The following SIK3 variants were observed in gnomAD, a reference collection of about 807,000 sequenced individuals.
The protein encoded by SIK3 is SIK family kinase 3.
A neutral mutation model predicts 144.2 loss-of-function variants in SIK3; 28 were observed. That is an observed-to-expected ratio of 0.19 (90% CI 0.14 to 0.27). SIK3 has a LOEUF of 0.27. SIK3 is among the 10% of genes least tolerant of loss of function. The pLI is 1.00. For missense variants in SIK3, 1,319 were observed against 1,776.0 expected, an observed-to-expected ratio of 0.74 and a Z score of 4.62; for synonymous variants, 686 against 676.3, an observed-to-expected ratio of 1.01 and a Z score of -0.22.
chr11:117,039,530 T>A (rs1232207917), intron 1 of SIK3, among the ~76,000 whole-genome samples: 1 of 152,242 alleles, frequency 6.6e-6, no homozygotes, highest in African/African-American at 2.4e-5. Context: ...TCACTGCATA[T>A]TATAAACAGA....
Position 116,857,997 on chromosome 11 carries a change from G to A in SIK3, c.3468C>T (p.Phe1156=). Reference sequence around the variant, plus strand: ...ATGTACTTGAACTCTTACTGTCTTGGAAGCCATCCTTGGCCCCCTCACACG... The same window carrying A: ...ATGTACTTGAACTCTTACTGTCTTGAAAGCCATCCTTGGCCCCCTCACACG... ...DCSCEGAKDG[F]QDSKSSSTLT... The change falls in exon 21 of 25, where the codon TTC becomes TTT. Residue 1156 remains phenylalanine, a synonymous_variant. Coordinates refer to ENST00000445177, the MANE Select transcript of SIK3 (RefSeq NM_001366686.3). 3.7e-6 allele frequency: 6 copies of A among 1,614,150 alleles called. 1 individual carries two copies. In the East Asian group the frequency reaches 1.3e-4, roughly 36 times the overall value.
At chr11:117,096,399 G>T (rs1402664927) in intron 1 of SIK3, among the ~76,000 whole-genome samples, 1 of 152,158 alleles carries the variant, frequency 6.6e-6, no homozygotes, top group Admixed American at 6.6e-5. Context: ...CAGAAAAAAA[G>T]GAAAGAAATA....
chr11:116,860,193 G>A (rs1248359865), intron 19 of SIK3, among the ~76,000 whole-genome samples: 2 of 151,136 alleles, frequency 1.3e-5, no homozygotes, highest in South Asian at 2.1e-4. Flanking sequence ...GCAGTGAGCC[G>A]AGATCATACC....
intron 1 of SIK3, among the ~76,000 whole-genome samples, chr11:116,983,109 C>T (rs990134890): frequency 1.3e-5 from 2 of 151,914 alleles, no homozygotes; most frequent in African/African-American, 2.4e-5. Context: ...CACCTGTAGT[C>T]CCAGCTACTC....
At chr11:117,044,018 G>A (rs190821199) in intron 1 of SIK3, among the ~76,000 whole-genome samples, 4 of 151,762 alleles carry the variant, frequency 2.6e-5, no homozygotes, top group Non-Finnish European at 4.4e-5. Context: ...AGATGGATCA[G>A]AAGCCTCATT....
chr11:116,936,973 A>T (rs1947953093), intron 3 of SIK3, among the ~76,000 whole-genome samples: 1 of 152,212 alleles, frequency 6.6e-6, no homozygotes, highest in Non-Finnish European at 1.5e-5. Flanking sequence ...CTTAAAGGTC[A>T]TTTCTCTGAA....
chr11:116,911,851 T>C (rs1946364329), intron 4 of SIK3, among the ~76,000 whole-genome samples: 1 of 152,204 alleles, frequency 6.6e-6, no homozygotes. Flanking sequence ...TATCCCTTAC[T>C]GCTTATTTAC....
At chr11:116,978,384 C>A (rs1565520472) in intron 1 of SIK3, among the ~76,000 whole-genome samples, 1 of 152,164 alleles carries the variant, frequency 6.6e-6, no homozygotes, top group Admixed American at 6.5e-5. Context: ...CATCCCACTC[C>A]AAGAAAACCA....
intron 4 of SIK3, among the ~76,000 whole-genome samples, chr11:116,915,141 T>C (rs1466877619): frequency 6.8e-6 from 1 of 146,942 alleles, no homozygotes; most frequent in East Asian, 2.3e-4. Context: ...TGTGTGTGTG[T>C]GTGTGTGTGT....
intron 3 of SIK3, among the ~76,000 whole-genome samples, chr11:116,929,318 G>A (rs1045596035): frequency 6.6e-6 from 1 of 152,082 alleles, no homozygotes; most frequent in Non-Finnish European, 1.5e-5. Context: ...CCCTTATGAA[G>A]GTTTACCATC....
At chr11:116,968,378 G>A (rs117791268) in intron 1 of SIK3, among the ~76,000 whole-genome samples, 11,156 of 152,198 alleles carry the variant, frequency 0.073, 737 homozygotes, top group African/African-American at 0.18. Context: ...TCCTAACCTT[G>A]TGATCCACAC....
chr11:117,006,199 A>G (rs1951040093), intron 1 of SIK3, among the ~76,000 whole-genome samples: 1 of 152,188 alleles, frequency 6.6e-6, no homozygotes, highest in South Asian at 2.1e-4. Flanking sequence ...ATAGTCTAAA[A>G]TGGAATATCA....
intron 1 of SIK3, among the ~76,000 whole-genome samples, chr11:117,042,588 G>A (rs926833202): frequency 4.6e-5 from 7 of 152,144 alleles, no homozygotes; most frequent in African/African-American, 1.7e-4. Context: ...TTTTCCAGGA[G>A]TCTTTCCTCC....
chr11:116,844,615 TATAA>T lies in SIK3; in HGVS notation c.*1024_*1027del, dbSNP rs1346724186. ...ATATATTTTATATATATATTATATA[TATAA>T]TATATATATAATATATTATATTATA... is the stretch of plus-strand genomic sequence containing the variant. On this transcript the variant is annotated 3_prime_UTR_variant, in exon 25 of 25. Transcript: ENST00000445177. 1 of 58,630 alleles carries T rather than the reference TATAA, an allele frequency of 1.7e-5. No individual in the cohort carries two copies. The highest frequency in any genetic ancestry group is 4.6e-5 in the African/African-American group (1 of 21,820). The allele number at this position is 58,630 out of a possible 1,614,324, so 3.6% of individuals were successfully genotyped here.
chr11:117,048,850 C>T (rs1953089494), intron 1 of SIK3, among the ~76,000 whole-genome samples: 1 of 152,132 alleles, frequency 6.6e-6, no homozygotes, highest in South Asian at 2.1e-4. Flanking sequence ...CACCTGTAAT[C>T]CCAGCACTTA....
At position 117,029,186 on chromosome 11, in the gene SIK3, G is replaced by T. The variant is rs148004834; in HGVS notation, c.273+68957C>A. On this transcript the variant is annotated intron_variant, in intron 1 of 24. Transcript: ENST00000445177. Reference sequence around the variant, plus strand: ...GGTCTCCCAAAGTGCTGGGATTACAGGTGTGACCCACTGTGCCCAGCCTAT... The same window carrying T: ...GGTCTCCCAAAGTGCTGGGATTACATGTGTGACCCACTGTGCCCAGCCTAT... 2.6e-3 allele frequency among the ~76,000 whole-genome samples: 403 copies of T among 152,244 alleles called. 2 individuals are homozygous for T. Among genetic ancestry groups the T allele is most frequent in the Admixed American group, 4.4e-3 (68 of 15,296 alleles).
chr11:117,031,269 T>A (rs1257777821), intron 1 of SIK3, among the ~76,000 whole-genome samples: 3 of 151,868 alleles, frequency 2.0e-5, no homozygotes, highest in African/African-American at 7.2e-5. Flanking sequence ...TTTTCTAAAA[T>A]TTTTTTTAGT....
At chr11:117,097,163 A>G (rs964295832) in intron 1 of SIK3, among the ~76,000 whole-genome samples, 1 of 152,162 alleles carries the variant, frequency 6.6e-6, no homozygotes, top group Non-Finnish European at 1.5e-5. Flanking sequence ...AGAATTTTAC[A>G]TGCATACATA....
intron 1 of SIK3, among the ~76,000 whole-genome samples, 188 bp downstream of exon 1, chr11:117,097,955 T>C (rs1955553728): frequency 6.6e-6 from 1 of 151,380 alleles, no homozygotes; most frequent in Non-Finnish European, 1.5e-5. Context: ...TGCTTGGAGT[T>C]CCGCCGTCTC....
Sources: gnomAD v4.1 joint callset for allele counts (sites outside exome capture counted in the v4.1 genomes callset) on GRCh38, gnomAD v4.1.1 for gene constraint, MANE v1.5 for transcripts, NCBI Gene and HGNC (gene_info 2026-07-23, HGNC 2026-07-21) for gene names.